DDX42: variants seen among roughly 807,000 people sequenced by gnomAD.
DDX42 encodes DEAD-box helicase 42, also known as ATP-dependent RNA helicase DDX42.
A neutral mutation model predicts 101.5 loss-of-function variants in DDX42; 22 were observed. That is an observed-to-expected ratio of 0.22 (90% CI 0.15 to 0.31). The LOEUF (loss-of-function observed/expected upper bound fraction) is 0.31, where lower values mean the gene tolerates loss of function less well. DDX42 is among the 10% of genes least tolerant of loss of function. The probability of loss-of-function intolerance (pLI) is 1.00; values close to 1 mark genes in which losing one functional copy is unlikely to be tolerated. For missense variants in DDX42, 849 were observed against 1,199.9 expected (o/e 0.71, Z 4.32); for synonymous variants, 402 against 401.2 (o/e 1.00, Z -0.02).
In DDX42 at chr17:63,774,222, T is replaced by TGGCGGC. The variant is rs756283882; in HGVS notation, c.-165_-160dup. On this transcript the variant is annotated 5_prime_UTR_variant, in exon 1 of 18. Transcript: ENST00000389924. ...CGTGAGGCGGTGGCGGTGGTGGCGG[T>TGGCGGC]GGCGGCGGCGGTGGTGGTGGTGGCG... The TGGCGGC allele has an allele frequency of 4.5e-4, 105 of 234,910 alleles. 1 individual carries two copies. Among genetic ancestry groups the TGGCGGC allele is most frequent in the Non-Finnish European group, 5.7e-4 (76 of 133,856 alleles). The allele number at this position is 234,910 out of a possible 1,614,324, so 14.6% of individuals were successfully genotyped here.
At chr17:63,792,966 T>C (rs1386702137) in intron 3 of DDX42, among the ~76,000 whole-genome samples, 1 of 152,198 alleles carries the variant, frequency 6.6e-6, no homozygotes, top group Non-Finnish European at 1.5e-5. Context: ...TATTTCTTCA[T>C]CAACATTCAT....
intron 1 of DDX42, among the ~76,000 whole-genome samples, chr17:63,777,105 T>C (rs1367293400): frequency 6.6e-6 from 1 of 150,980 alleles, no homozygotes; most frequent in Non-Finnish European, 1.5e-5. Context: ...GACAGGGTTT[T>C]ATTGTGTTGC....
intron 4 of DDX42, chr17:63,799,380 T>A (rs904397848): frequency 2.3e-6 from 1 of 438,886 alleles, no homozygotes; most frequent in Non-Finnish European, 4.0e-6. Context: ...ATCATCCCAT[T>A]TAAAAGAAAT....
rs781119487 is a variant in DDX42 at position 63,800,633 on chromosome 17, C to T, written c.621+16C>T. The stretch of plus-strand genomic sequence containing the variant: ...TCATTCAGAGGTATGGTGTTTCTTG[C>T]TGAATTTTACTCTTGTTTCAAGCTG... On this transcript the variant is annotated intron_variant, in intron 6 of 17. Transcript: ENST00000389924. 8.7e-6 allele frequency: 14 copies of T among 1,609,360 alleles called. No individual in the cohort carries two copies. Among genetic ancestry groups the T allele is most frequent in the East Asian group, 6.7e-5 (3 of 44,794 alleles).
intron 1 of DDX42, among the ~76,000 whole-genome samples, chr17:63,781,689 C>G (rs1011663105): frequency 2.0e-5 from 3 of 151,900 alleles, no homozygotes; most frequent in Non-Finnish European, 4.4e-5. Flanking sequence ...TTTTTCTGCC[C>G]ATTCCTAAAT....
At chr17:63,809,495 A>G in intron 10 of DDX42, 65 bp from the exon 11 acceptor site, 5 of 1,364,520 alleles carry the variant, frequency 3.7e-6, no homozygotes, top group Non-Finnish European at 5.2e-6. Flanking sequence ...CAGGAGTGCA[A>G]CTGCTTAGAA....
intron 7 of DDX42, 71 bp from the exon 8 acceptor site, chr17:63,806,464 A>G (rs1325356619): frequency 2.0e-6 from 3 of 1,479,682 alleles, no homozygotes; most frequent in East Asian, 2.5e-5. Context: ...GATCCAGGTA[A>G]GTATTGTTGA....
intron 11 of DDX42, among the ~76,000 whole-genome samples, chr17:63,810,097 T>G (rs867679877): frequency 9.2e-5 from 14 of 152,058 alleles, no homozygotes; most frequent in African/African-American, 2.9e-4. Flanking sequence ...TTTAGGAGCT[T>G]CTTTTTTCTT....
At chr17:63,780,613 C>T (rs1404510108) in intron 1 of DDX42, among the ~76,000 whole-genome samples, 3 of 152,128 alleles carry the variant, frequency 2.0e-5, no homozygotes, top group African/African-American at 7.2e-5. Flanking sequence ...GTTCCTTGGC[C>T]TTCCTAGAGT....
intron 1 of DDX42, among the ~76,000 whole-genome samples, chr17:63,783,293 T>C (rs2039510277): frequency 6.6e-6 from 1 of 152,210 alleles, no homozygotes; most frequent in African/African-American, 2.4e-5. Flanking sequence ...CAGTAAACCA[T>C]TGAAAGTTTT....
intron 1 of DDX42, among the ~76,000 whole-genome samples, chr17:63,780,142 C>A (rs1350014015): frequency 6.6e-6 from 1 of 152,006 alleles, no homozygotes; most frequent in Non-Finnish European, 1.5e-5. Context: ...CCTAAAAATA[C>A]AAAATTAGCC....
Position 63,815,680 on chromosome 17 carries a change from C to T in DDX42, c.2013+7C>T, listed in dbSNP as rs1555574934. 1.9e-6 allele frequency: 3 copies of T among 1,589,336 alleles called. No individual in the cohort carries two copies. Among genetic ancestry groups the T allele is most frequent in the Non-Finnish European group, 2.6e-6 (3 of 1,159,258 alleles). On this transcript the variant is annotated splice_region_variant and intron_variant, in intron 16 of 17. Transcript: ENST00000389924. ...CCTGGGCTCTGAGAACATGGTGAGT[C>T]TAGACTACTACAGTAGTGCCTTTAT...
At chr17:63,816,614 T>A (rs2039980003) in intron 16 of DDX42, 1 of 314,558 alleles carries the variant, frequency 3.2e-6, no homozygotes, top group East Asian at 5.8e-5. Context: ...AAATACATGA[T>A]CAACTTTGGG....
intron 11 of DDX42, 122 bp downstream of exon 11, chr17:63,809,781 CT>C: frequency 4.3e-6 from 3 of 701,864 alleles, no homozygotes; most frequent in Non-Finnish European, 7.3e-6. Flanking sequence ...TGGGGTTAGA[CT>C]ATAGAAATAT....
At chr17:63,813,847 C>CTTTT (rs796849319) in intron 15 of DDX42, among the ~76,000 whole-genome samples, 25 of 147,792 alleles carry the variant, frequency 1.7e-4, no homozygotes, top group African/African-American at 5.9e-4. Context: ...GCCCCCCCAC[C>CTTTT]TTTTTTTTTT....
rs778018128 is a variant in DDX42, at chr17:63,810,575, C to A, written c.1300+15C>A. On this transcript the variant is annotated intron_variant, in intron 12 of 17. Coordinates refer to ENST00000389924, the MANE Select transcript of DDX42 (RefSeq NM_203499.3). ...TGACAGGCAGAGTATGTATGAAGCA[C>A]CTTTGTTAAACCAAATTTGTACTAA... 1 of 1,613,818 alleles carries A rather than the reference C, an allele frequency of 6.2e-7. No individual in the cohort carries two copies. The highest frequency in any genetic ancestry group is 1.1e-5 in the South Asian group (1 of 91,044).
chr17:63,793,864 A>C (rs946554747), intron 3 of DDX42, among the ~76,000 whole-genome samples: 1 of 148,182 alleles, frequency 6.7e-6, no homozygotes. Flanking sequence ...ATTTATATAT[A>C]TATATATATA....
chr17:63,816,554 CT>C (rs2039979428), intron 16 of DDX42: 1 of 208,896 alleles, frequency 4.8e-6, no homozygotes, highest in African/African-American at 2.3e-5. Flanking sequence ...TATTCAGGGC[CT>C]TTTCATCTTT....
At chr17:63,786,138 A>C (rs1363495769) in intron 1 of DDX42, among the ~76,000 whole-genome samples, 1 of 152,238 alleles carries the variant, frequency 6.6e-6, no homozygotes, top group Admixed American at 6.5e-5. Flanking sequence ...CTGAGATCCC[A>C]ATAAAATTAA....
Sources: gnomAD v4.1 joint callset for allele counts (sites outside exome capture counted in the v4.1 genomes callset) on GRCh38, gnomAD v4.1.1 for gene constraint, MANE v1.5 for transcripts, NCBI Gene and HGNC (gene_info 2026-07-23, HGNC 2026-07-21) for gene names.